The following GALNT2 variants were observed in gnomAD, a reference collection of about 807,000 sequenced individuals.
The protein encoded by GALNT2 is UDP-GalNAc:polypeptide N-acetylgalactosaminyltransferase 2.
A neutral mutation model predicts 81.4 loss-of-function variants in GALNT2; 31 were observed. The observed-to-expected ratio is 0.38, with a 90% CI of 0.29 to 0.51. GALNT2 has a LOEUF of 0.51. Among genes scored for constraint, GALNT2 ranks in the 20% least tolerant of loss-of-function variants. GALNT2 has a pLI of 0.87. For synonymous variants in GALNT2, 303 were observed against 287.4 expected, an observed-to-expected ratio of 1.05 and a Z score of -0.55; for missense variants, 629 against 765.7, an observed-to-expected ratio of 0.82 and a Z score of 2.11.
chr1:230,213,429 T>C (rs1184234087), intron 3 of GALNT2, among the ~76,000 whole-genome samples: 1 of 152,244 alleles, frequency 6.6e-6, no homozygotes, highest in Non-Finnish European at 1.5e-5. Context: ...TTTTACAATA[T>C]CAGTAGAGCT....
intron 1 of GALNT2, among the ~76,000 whole-genome samples, chr1:230,144,288 A>G (rs1172024630): frequency 1.3e-5 from 2 of 152,192 alleles, no homozygotes; most frequent in African/African-American, 4.8e-5. Context: ...GGAAATGTTA[A>G]TAATTACATG....
intron 1 of GALNT2, among the ~76,000 whole-genome samples, chr1:230,158,763 C>A (rs542705749): frequency 6.6e-6 from 1 of 152,232 alleles, no homozygotes; most frequent in Non-Finnish European, 1.5e-5. Context: ...TGTTGCAACC[C>A]CCTACCCACC....
intron 3 of GALNT2, among the ~76,000 whole-genome samples, chr1:230,208,478 A>G (rs933597393): frequency 2.0e-5 from 3 of 152,134 alleles, no homozygotes; most frequent in Non-Finnish European, 4.4e-5. Flanking sequence ...AGGTGGTGGG[A>G]TATGTGTCTG....
chr1:230,058,905 T>C (rs1470341899), intron 1 of GALNT2, among the ~76,000 whole-genome samples: 1 of 152,074 alleles, frequency 6.6e-6, no homozygotes, highest in Non-Finnish European at 1.5e-5. Flanking sequence ...GTCCTGGGAG[T>C]ATGACAGGGC....
chr1:230,070,441 T>G lies in GALNT2; in HGVS notation c.126+3035T>G, dbSNP rs547083804. ...GAAATGAAGCTGCCTGTGGGTGAAGTGTGGCTGTTTAGGGTGGAAAGGGAA... is the reference window on the plus strand; with the variant it reads ...GAAATGAAGCTGCCTGTGGGTGAAGGGTGGCTGTTTAGGGTGGAAAGGGAA... On this transcript the variant is annotated intron_variant, in intron 1 of 15. Transcript: ENST00000366672. This position sits in a 1 kb window ranked among gnomAD's most constrained non-coding sequence, Gnocchi z 4.7. Among the ~76,000 whole-genome samples the G allele has an allele frequency of 6.6e-6, 1 of 152,018 alleles. No homozygotes were observed. The highest frequency in any genetic ancestry group is 1.9e-4 in the East Asian group (1 of 5,164).
intron 2 of GALNT2, among the ~76,000 whole-genome samples, chr1:230,192,794 G>A (rs112217368): frequency 6.6e-6 from 1 of 151,936 alleles, no homozygotes; most frequent in Non-Finnish European, 1.5e-5. Context: ...GGATTTCCTG[G>A]TTTTTTTGTC....
chr1:230,278,385 A>G (rs1325065287), intron 15 of GALNT2, among the ~76,000 whole-genome samples: 1 of 152,138 alleles, frequency 6.6e-6, no homozygotes, highest in East Asian at 1.9e-4. Flanking sequence ...TCGGCCTCCC[A>G]AAGTGCTGGG....
chr1:230,257,404 A>G lies in GALNT2; in HGVS notation c.1136+2060A>G, dbSNP rs1665746981. Among the ~76,000 whole-genome samples, 1 of 152,230 alleles carries G rather than the reference A, an allele frequency of 6.6e-6. No individual in the cohort carries two copies. The highest frequency in any genetic ancestry group is 2.1e-4 in the South Asian group (1 of 4,826). On this transcript the variant is annotated intron_variant, in intron 11 of 15. Coordinates refer to ENST00000366672, the MANE Select transcript of GALNT2 (RefSeq NM_004481.5). The surrounding 1 kb of genome is among the most constrained non-coding windows in gnomAD (Gnocchi z 4.6). ...CTGTAACAGCGTTTCGGTCGGTGAC[A>G]GTAGTCCCATAAGATTATAATACCG...
At chr1:230,161,895 A>T (rs1662447848) in intron 1 of GALNT2, among the ~76,000 whole-genome samples, 1 of 152,048 alleles carries the variant, frequency 6.6e-6, no homozygotes, top group Non-Finnish European at 1.5e-5. Flanking sequence ...CAGCATCTTT[A>T]CTTGGTCATT....
At chr1:230,166,109 A>G (rs1052116328) in intron 1 of GALNT2, among the ~76,000 whole-genome samples, 11 of 144,432 alleles carry the variant, frequency 7.6e-5, no homozygotes, top group Admixed American at 7.4e-4. Context: ...CCTTTGTGAA[A>G]GAACAATTTG....
intron 1 of GALNT2, among the ~76,000 whole-genome samples, chr1:230,152,975 T>C (rs1160786200): frequency 6.6e-6 from 1 of 152,278 alleles, no homozygotes; most frequent in Non-Finnish European, 1.5e-5. Context: ...GCCTTCAGTG[T>C]GTTTGTCCAC....
chr1:230,196,220 G>A (rs762831990), intron 2 of GALNT2, among the ~76,000 whole-genome samples: 4 of 152,206 alleles, frequency 2.6e-5, no homozygotes, highest in Non-Finnish European at 5.9e-5. Context: ...GTCTCTGGGT[G>A]TCTTCTGTTA....
intron 3 of GALNT2, among the ~76,000 whole-genome samples, chr1:230,213,726 C>T (rs1280888126): frequency 6.6e-6 from 1 of 152,148 alleles, no homozygotes; most frequent in African/African-American, 2.4e-5. Context: ...CATCCTCCTA[C>T]GTTTTTTCTT....
rs555036058 is a variant in GALNT2, at chr1:230,200,740, G to T, written c.221-2397G>T. Among the ~76,000 whole-genome samples the T allele has an allele frequency of 5.3e-5, 8 of 152,338 alleles. No homozygotes were observed. In the East Asian group the frequency reaches 1.5e-3, roughly 29 times the overall value. Reference sequence around the variant, plus strand: ...CCTCAGACTTTGCTGTCCCCAGCACGCCGGTGAGAAGCAAGTAGGCTGTAA... The same window carrying T: ...CCTCAGACTTTGCTGTCCCCAGCACTCCGGTGAGAAGCAAGTAGGCTGTAA... On this transcript the variant is annotated intron_variant, in intron 2 of 15. Transcript: ENST00000366672.
At chr1:230,250,125 A>G (rs1665497763) in intron 9 of GALNT2, among the ~76,000 whole-genome samples, 1 of 152,230 alleles carries the variant, frequency 6.6e-6, no homozygotes. Context: ...GGAAACTGAC[A>G]CACAGAAAGG....
At chr1:230,266,885 C>G (rs756992831) in intron 14 of GALNT2, among the ~76,000 whole-genome samples, 35 of 152,174 alleles carry the variant, frequency 2.3e-4, no homozygotes, top group African/African-American at 8.2e-4. Context: ...TCAACAGTCT[C>G]GATGGTTCAG....
At chr1:230,074,334 C>A (rs1047541645) in intron 1 of GALNT2, among the ~76,000 whole-genome samples, 6 of 152,196 alleles carry the variant, frequency 3.9e-5, no homozygotes, top group African/African-American at 1.4e-4. Flanking sequence ...CTGCCTTGGC[C>A]TCCCAAAGCA....
chr1:230,058,402 C>T (rs565814953), intron 1 of GALNT2, among the ~76,000 whole-genome samples: 70 of 152,274 alleles, frequency 4.6e-4, no homozygotes, highest in African/African-American at 1.5e-3. Context: ...ATGCTGTGCT[C>T]GGTCGCTTTC....
In GALNT2 at chr1:230,262,579, C is replaced by G. The variant is rs371609882; in HGVS notation, c.1143C>G (p.Thr381=). ...GGSGTVFARN[T]RRAAEVWMDE... ...AGATTTATTTTCTTTCTAGAAACACCCGCCGGGCAGCAGAGGTCTGGATGG... is the reference window on the plus strand; with the variant it reads ...AGATTTATTTTCTTTCTAGAAACACGCGCCGGGCAGCAGAGGTCTGGATGG... Residue 381 remains threonine, a synonymous_variant, in exon 12 of 16, where the codon ACC becomes ACG. Transcript: ENST00000366672. 7.4e-6 allele frequency: 12 copies of G among 1,613,564 alleles called. No individual in the cohort carries two copies. The highest frequency in any genetic ancestry group is 1.0e-5 in the Non-Finnish European group (12 of 1,179,638).
Sources: gnomAD v4.1 joint callset for allele counts (sites outside exome capture counted in the v4.1 genomes callset) on GRCh38, gnomAD v4.1.1 for gene constraint, Gnocchi (gnomAD v3.1) non-coding constraint, MANE v1.5 for transcripts, NCBI Gene and HGNC (gene_info 2026-07-23, HGNC 2026-07-21) for gene names.